The following BLTP1 variants were observed in gnomAD, a reference collection of about 807,000 sequenced individuals.
BLTP1 encodes bridge-like lipid transfer protein family member 1.
the BLTP1 span, among the ~76,000 whole-genome samples, chr4:122,203,440 G>A: frequency 6.6e-6 from 1 of 151,814 alleles, no homozygotes; most frequent in South Asian, 2.1e-4. Flanking sequence ...CCAATTGATT[G>A]ATGTATTATA....
chr4:122,246,060 T>C, the BLTP1 span: 11 of 1,383,074 alleles, frequency 8.0e-6, no homozygotes, highest in Admixed American at 2.8e-5. Context: ...TAGATAGGCA[T>C]AGAGGGGCAG....
At chr4:122,204,533 A>G in the BLTP1 span, 1 of 984,894 alleles carries the variant, frequency 1.0e-6, no homozygotes. Flanking sequence ...GACATTTAAG[A>G]ACAATTTTCA....
chr4:122,311,986 C>G, the BLTP1 span, among the ~76,000 whole-genome samples: 1 of 152,116 alleles, frequency 6.6e-6, no homozygotes, highest in South Asian at 2.1e-4. Flanking sequence ...CTTATTAATT[C>G]ATCGTGGCTC....
the BLTP1 span, chr4:122,300,962 G>A: frequency 4.1e-6 from 4 of 983,638 alleles, no homozygotes; most frequent in African/African-American, 7.0e-5. Context: ...TTCACCACCA[G>A]GGGCTCTGCA....
the BLTP1 span, among the ~76,000 whole-genome samples, chr4:122,195,038 A>C: frequency 3.3e-5 from 5 of 152,170 alleles, no homozygotes; most frequent in African/African-American, 1.2e-4. Context: ...CCCTGTATTG[A>C]GTTTCTGCAC....
chr4:122,209,214 CTTTA>C, the BLTP1 span: 1 of 1,612,986 alleles, frequency 6.2e-7, no homozygotes, highest in Non-Finnish European at 8.5e-7. Flanking sequence ...AGTAAATATT[CTTTA>C]TTTATGCTGG....
chr4:122,326,022 AG>A, the BLTP1 span: 1 of 298,988 alleles, frequency 3.3e-6, no homozygotes. Context: ...CTTAGACCTC[AG>A]AAATATTTTA....
the BLTP1 span, among the ~76,000 whole-genome samples, chr4:122,262,514 T>A: frequency 6.6e-6 from 1 of 152,290 alleles, no homozygotes; most frequent in Non-Finnish European, 1.5e-5. Flanking sequence ...AATAAGTGGA[T>A]GTGCTTCATT....
the BLTP1 span, among the ~76,000 whole-genome samples, chr4:122,270,149 T>C: frequency 6.6e-6 from 1 of 152,128 alleles, no homozygotes; most frequent in Non-Finnish European, 1.5e-5. Context: ...TGCATTTACA[T>C]AAATTACACT....
the BLTP1 span, among the ~76,000 whole-genome samples, chr4:122,295,778 G>A: frequency 6.6e-5 from 10 of 152,154 alleles, no homozygotes; most frequent in South Asian, 8.3e-4. Flanking sequence ...AGGATGCAAG[G>A]TTGGTTCAAA....
chr4:122,185,029 A>T, the BLTP1 span: 2 of 985,392 alleles, frequency 2.0e-6, no homozygotes, highest in South Asian at 4.7e-5. Context: ...CAAGAGAATG[A>T]TAGCAAAACG....
chr4:122,273,501 T>C, the BLTP1 span: 4 of 817,288 alleles, frequency 4.9e-6, no homozygotes, highest in Non-Finnish European at 4.4e-6. Flanking sequence ...AAAAAAAAAA[T>C]TGTCAGTTTT....
the BLTP1 span, among the ~76,000 whole-genome samples, chr4:122,155,413 T>C: frequency 6.7e-4 from 102 of 151,486 alleles, no homozygotes; most frequent in Middle Eastern, 3.4e-3. Context: ...AACCTCTGCC[T>C]CCTGGGTTCA....
At chr4:122,175,208 T>C in the BLTP1 span, 1 of 984,424 alleles carries the variant, frequency 1.0e-6, no homozygotes, top group Non-Finnish European at 1.2e-6. Context: ...TTGAATTAAT[T>C]GAGAGGTGCT....
At chr4:122,168,694 AT>A in the BLTP1 span, among the ~76,000 whole-genome samples, 21 of 152,044 alleles carry the variant, frequency 1.4e-4, no homozygotes, top group African/African-American at 5.1e-4. Context: ...ATACGAGAAC[AT>A]TTTTTACTCA....
chr4:122,205,904 GA>G, the BLTP1 span: 1 of 981,284 alleles, frequency 1.0e-6, no homozygotes, highest in Non-Finnish European at 1.2e-6. Flanking sequence ...CCCTTTTATT[GA>G]AAGACATTGC....
the BLTP1 span, chr4:122,353,115 T>A: frequency 1.2e-6 from 2 of 1,613,936 alleles, no homozygotes; most frequent in Non-Finnish European, 1.7e-6. This position sits in a 1 kb window ranked among gnomAD's most constrained non-coding sequence, Gnocchi z 4.3. Context: ...AAGAACCAAA[T>A]ATTGCTTTTT....
chr4:122,158,693 C>T, the BLTP1 span, among the ~76,000 whole-genome samples: 1 of 152,132 alleles, frequency 6.6e-6, no homozygotes, highest in Non-Finnish European at 1.5e-5. Context: ...ATGGCGTGAA[C>T]CCAGGAGGAG....
the BLTP1 span, among the ~76,000 whole-genome samples, chr4:122,214,837 C>G: frequency 1.3e-5 from 2 of 151,860 alleles, no homozygotes; most frequent in Admixed American, 1.3e-4. Context: ...GTCTCGAACT[C>G]CTAGGCTCAA....
Sources: allele counts gnomAD v4.1 joint callset (sites outside exome capture counted in the v4.1 genomes callset), GRCh38; gene constraint gnomAD v4.1.1; non-coding constraint Gnocchi (gnomAD v3.1); transcripts MANE v1.5; gene names NCBI Gene and HGNC (gene_info 2026-07-23, HGNC 2026-07-21).